Variants in MYH1 observed in about 807,000 individuals in gnomAD.
The protein encoded by MYH1 is myosin heavy chain 1.
MYH1 carries 214 observed loss-of-function variants against 225.6 expected under a neutral mutation model. The observed-to-expected ratio is 0.95, with a 90% CI of 0.85 to 1.06. The LOEUF (loss-of-function observed/expected upper bound fraction) is 1.06, where lower values mean the gene tolerates loss of function less well. Ranked by LOEUF, MYH1 falls within the 50% of genes least tolerant of loss-of-function variation. MYH1 has a pLI of 0.00. For synonymous variants in MYH1, 774 were observed against 842.3 expected (o/e 0.92, Z 1.40); for missense variants, 2,098 against 2,344.2 (o/e 0.89, Z 2.17).
intron 34 of MYH1, 23 bp downstream of exon 34, chr17:10,496,218 G>A (rs2072992269): frequency 1.9e-6 from 3 of 1,614,146 alleles, no homozygotes; most frequent in East Asian, 4.5e-5. Flanking sequence ...ATTGTCCTGG[G>A]ATCATCTGTT....
chr17:10,515,979 G>C lies in MYH1; in HGVS notation c.452C>G (p.Ala151Gly), dbSNP rs767731312. ...AGAGATGGAGAAGATGTGGGGTGGG[G>C]CCTCCTGGCGCTTTTTGCCTCGGTA... ...TAYRGKKRQE[A>G]PPHIFSISDN... Residue 151 changes from alanine to glycine, a missense_variant, in exon 5 of 40, where the codon GCC becomes GGC. Ala to Gly is a moderately conservative substitution (Grantham distance 60, BLOSUM62 0). Coordinates refer to ENST00000226207, the MANE Select transcript of MYH1 (RefSeq NM_005963.4). 6.2e-7 allele frequency: 1 copy of C among 1,614,178 alleles called. No homozygotes were observed. Among genetic ancestry groups the C allele is most frequent in the Non-Finnish European group, 8.5e-7 (1 of 1,180,030 alleles).
intron 14 of MYH1, among the ~76,000 whole-genome samples, chr17:10,510,909 T>C (rs2073164311): frequency 6.6e-6 from 1 of 151,804 alleles, no homozygotes; most frequent in Admixed American, 6.6e-5. Context: ...ATAGGTGAAT[T>C]GTATGATATG....
At position 10,516,624 on chromosome 17, in the gene MYH1, T is replaced by A; in HGVS notation, c.19A>T (p.Met7Leu). Residue 7 changes from methionine to leucine, a missense_variant, in exon 3 of 40, where the codon ATG becomes TTG. Met to Leu is a conservative substitution (Grantham distance 15). Transcript: ENST00000226207. MSSDSE[M>L]AIFGEAAPFL... ...GGAGCAGCCTCCCCAAAAATGGCCA[T>A]CTCAGAGTCGGAACTCATGGCTGCA... The A allele has an allele frequency of 6.2e-7, 1 of 1,614,166 alleles. No homozygotes were observed. The highest frequency in any genetic ancestry group is 8.5e-7 in the Non-Finnish European group (1 of 1,180,028).
In MYH1 at chr17:10,494,912, T is replaced by G. The variant is rs753902749; in HGVS notation, c.5466+19A>C. 3.7e-6 allele frequency: 6 copies of G among 1,614,122 alleles called. No homozygotes were observed. The East Asian group carries it at 8.9e-5, about 24-fold the overall frequency. ...TGGATTGGAATGAGATAGAAATACA[T>G]GCTGATTAGGAGACCCACCCTGGCC... On this transcript the variant is annotated intron_variant, in intron 37 of 39. Coordinates refer to ENST00000226207, the MANE Select transcript of MYH1 (RefSeq NM_005963.4).
Position 10,505,063 on chromosome 17 carries a change from T to G in MYH1, c.2438A>C (p.Glu813Ala), listed in dbSNP as rs191339081. The change falls in exon 22 of 40, where the codon GAG (glutamate) becomes GCG (alanine). Residue 813 changes from glutamate (E) to alanine (A), a missense_variant and splice_region_variant. Coordinates refer to ENST00000226207, the MANE Select transcript of MYH1 (RefSeq NM_005963.4). ...VEYQKMVERR[E>A]SIFCIQYNVR... ...ATTGTACTGGATGCAGAAGATGGACTCTCTGTCATAGGAACAGAAATGTCC... is the reference window on the plus strand; with the variant it reads ...ATTGTACTGGATGCAGAAGATGGACGCTCTGTCATAGGAACAGAAATGTCC... 4 of 1,614,144 alleles carry G rather than the reference T, an allele frequency of 2.5e-6. No individual in the cohort carries two copies. The highest frequency in any genetic ancestry group is 3.4e-6 in the Non-Finnish European group (4 of 1,180,014).
rs2073005306 is a variant in MYH1 at position 10,497,192 on chromosome 17, C to T, written c.4533G>A (p.Gln1511=). The change falls in exon 33 of 40, where the codon CAG becomes CAA. Residue 1511 remains glutamine, a splice_region_variant and synonymous_variant. Coordinates refer to ENST00000226207, the MANE Select transcript of MYH1 (RefSeq NM_005963.4). The stretch of plus-strand genomic sequence containing the variant: ...TCTGTTCAGTGAGATCAGAAATCTC[C>T]TCTGTTGGTGAACAAAAAATATAGA... The part of the protein sequence containing the change: ...TLKRENKNLQ[Q]EISDLTEQIA... 2 of 1,608,290 alleles carry T rather than the reference C, an allele frequency of 1.2e-6. No homozygotes were observed. Among genetic ancestry groups the T allele is most frequent in the South Asian group, 1.1e-5 (1 of 89,160 alleles).
rs185795474 is a variant in MYH1, at chr17:10,497,377, G to A, written c.4441C>T (p.Leu1481Phe). The A allele has an allele frequency of 6.2e-7, 1 of 1,613,834 alleles. No homozygotes were observed. The highest frequency in any genetic ancestry group is 2.2e-5 in the East Asian group (1 of 44,878). Reference sequence around the variant, plus strand: ...TTAATCTTAAATAGTTCTGTGCTGAGTGAGCGGGATTCCTTTTGAGAAGCT... The same window carrying A: ...TTAATCTTAAATAGTTCTGTGCTGAATGAGCGGGATTCCTTTTGAGAAGCT... ...LEASQKESRS[L>F]STELFKIKNA... Residue 1481 changes from leucine to phenylalanine, a missense_variant, in exon 32 of 40, where the codon CTC becomes TTC. Transcript: ENST00000226207.
At position 10,504,104 on chromosome 17, in the gene MYH1, A is replaced by C. The variant is rs551257551; in HGVS notation, c.2691+706T>G. ...CAGAGAACTGGGATGGTAACTTTTA[A>C]TGTTTCTGCTGTTGGTTTTGGTGGC... On this transcript the variant is annotated intron_variant, in intron 22 of 39. Transcript: ENST00000226207. Among the ~76,000 whole-genome samples the C allele has an allele frequency of 2.6e-5, 4 of 152,272 alleles. No homozygotes were observed. In the South Asian group the frequency reaches 8.3e-4, roughly 32 times the overall value.
chr17:10,503,269 T>C (rs771668169), intron 22 of MYH1, 21 bp from the exon 23 acceptor site: 4 of 1,601,366 alleles, frequency 2.5e-6, no homozygotes, highest in Non-Finnish European at 3.4e-6. Context: ...GCAATAGATA[T>C]TTTAGATTTT....
At chr17:10,495,541 T>C (rs768972852) in intron 35 of MYH1, among the ~76,000 whole-genome samples, 3 of 151,604 alleles carry the variant, frequency 2.0e-5, no homozygotes, top group Admixed American at 6.6e-5. Context: ...GCGGGTGGAT[T>C]ACGAGATCAG....
At position 10,502,843 on chromosome 17, in the gene MYH1, A is replaced by C; in HGVS notation, c.3006T>G (p.Ala1002=). Reference sequence around the variant, plus strand: ...GGGTCTGCTGGTGGGCCTCCTGGAGAGCCTTCTTCTCCTTGGTCAGCTTAG... The same window carrying C: ...GGGTCTGCTGGTGGGCCTCCTGGAGCGCCTTCTTCTCCTTGGTCAGCTTAG... ...TIAKLTKEKK[A]LQEAHQQTLD... Residue 1002 remains alanine, a synonymous_variant, in exon 24 of 40, where the codon GCT becomes GCG. Transcript: ENST00000226207. 1 of 1,613,764 alleles carries C rather than the reference A, an allele frequency of 6.2e-7. No individual in the cohort carries two copies.
rs748691127 is a variant in MYH1 at position 10,497,117 on chromosome 17, T to A, written c.4608A>T (p.Gln1536His). The change falls in exon 33 of 40, where the codon CAA becomes CAT. Residue 1536 changes from glutamine to histidine, a missense_variant. Transcript: ENST00000226207. ...RIHELEKIKKQVEQEKSELQA... is the reference protein window; with the variant it reads ...RIHELEKIKKHVEQEKSELQA... ...GAAGTTCAGACTTTTCTTGCTCAAC[T>A]TGCTTCTTTATTTTTTCCAGTTCAT... The A allele has an allele frequency of 3.7e-6, 6 of 1,614,154 alleles. No individual in the cohort carries two copies. The South Asian group carries it at 6.6e-5, about 18-fold the overall frequency.
At chr17:10,500,867 A>C (rs1351672548) in intron 27 of MYH1, 115 bp from the exon 28 acceptor site, 1 of 1,484,962 alleles carries the variant, frequency 6.7e-7, no homozygotes, top group East Asian at 2.3e-5. Flanking sequence ...AGAAGAAACT[A>C]TCTTTACAAA....
rs375102610 is a variant in MYH1, at chr17:10,495,982, C to T, written c.5137G>A (p.Ala1713Thr). 1 of 1,613,968 alleles carries T rather than the reference C, an allele frequency of 6.2e-7. No homozygotes were observed. Among genetic ancestry groups the T allele is most frequent in the African/African-American group, 1.3e-5 (1 of 74,898 alleles). The change falls in exon 35 of 40, where the codon GCC becomes ACC. Residue 1713 changes from alanine (A) to threonine (T), a missense_variant. Ala to Thr is a moderately conservative substitution (Grantham distance 58, BLOSUM62 0). Coordinates refer to ENST00000226207, the MANE Select transcript of MYH1 (RefSeq NM_005963.4). ...RKIAEQELLD[A>T]SERVQLLHTQ... ...TGCAGGAGCTGAACACGCTCACTGG[C>T]ATCCAGGAGCTCCTGTTCTGCGATT...
intron 30 of MYH1, among the ~76,000 whole-genome samples, chr17:10,498,196 C>T (rs755275964): frequency 1.5e-4 from 23 of 152,324 alleles, no homozygotes; most frequent in Admixed American, 4.6e-4. Context: ...TGGTTTATTC[C>T]TCTTCTGTAG....
At chr17:10,503,490 G>A (rs535894847) in intron 22 of MYH1, among the ~76,000 whole-genome samples, 1 of 152,090 alleles carries the variant, frequency 6.6e-6, no homozygotes, top group African/African-American at 2.4e-5. Flanking sequence ...ATAATATGTT[G>A]GTATATAATT....
rs775267559 is a variant in MYH1 at position 10,501,254 on chromosome 17, C to T, written c.3594G>A (p.Lys1198=). The T allele has an allele frequency of 1.2e-6, 2 of 1,614,112 alleles. No individual in the cohort carries two copies. Among genetic ancestry groups the T allele is most frequent in the Non-Finnish European group, 1.7e-6 (2 of 1,180,054 alleles). The change falls in exon 27 of 40, where the codon AAG becomes AAA. Residue 1198 remains lysine (K), a synonymous_variant. Transcript: ENST00000226207. ...QHEATAATLR[K]KHADSVAELG... is the part of the protein sequence containing the mutation. ...GCTCGGCCACACTATCTGCATGCTT[C>T]TTCCTCAGGGTGGCCGCCGTGGCTT... is the stretch of plus-strand genomic sequence containing the variant.
At chr17:10,502,619 T>C (rs1215742678) in intron 24 of MYH1, 119 bp downstream of exon 24, 25 of 1,429,102 alleles carry the variant, frequency 1.7e-5, no homozygotes, top group Non-Finnish European at 2.4e-5. Context: ...TGATGTTCCA[T>C]ATTCCTCATT....
In MYH1 at chr17:10,516,646, T is replaced by C. The variant is rs539877614; in HGVS notation, c.-4A>G. ...CCATCTCAGAGTCGGAACTCATGGC[T>C]GCAGGTTATTGATGGTAGCCCAGTT... On this transcript the variant is annotated 5_prime_UTR_variant, in exon 3 of 40. Coordinates refer to ENST00000226207, the MANE Select transcript of MYH1 (RefSeq NM_005963.4). The C allele has an allele frequency of 4.3e-6, 7 of 1,614,214 alleles. No homozygotes were observed. The highest frequency in any genetic ancestry group is 5.9e-6 in the Non-Finnish European group (7 of 1,180,032).
Sources: allele counts gnomAD v4.1 joint callset (sites outside exome capture counted in the v4.1 genomes callset), GRCh38; gene constraint gnomAD v4.1.1; transcripts MANE v1.5; gene names NCBI Gene and HGNC (gene_info 2026-07-23, HGNC 2026-07-21).